Variants in NRG4 observed in about 807,000 individuals in gnomAD.
NRG4 encodes neuregulin 4.
NRG4 carries 10 observed loss-of-function variants against 15.0 expected under a neutral mutation model. The ratio of observed to expected loss-of-function variants is 0.67; its 90% CI spans 0.41 to 1.13. The LOEUF is 1.13. NRG4 is among the 50% of genes most tolerant of loss of function. The pLI is 0.00. For missense variants in NRG4, 139 were observed against 140.2 expected, an observed-to-expected ratio of 0.99 and a Z score of 0.04; for synonymous variants, 41 against 50.1, an observed-to-expected ratio of 0.82 and a Z score of 0.77.
At chr15:75,993,349 T>A (rs1402650161) in intron 3 of NRG4, among the ~76,000 whole-genome samples, 2 of 141,434 alleles carry the variant, frequency 1.4e-5, no homozygotes, top group African/African-American at 5.3e-5. Flanking sequence ...ATTACAAGTA[T>A]GTCAGTCATT....
intron 5 of NRG4, among the ~76,000 whole-genome samples, chr15:76,030,442 A>T (rs904196104): frequency 6.6e-6 from 1 of 152,176 alleles, no homozygotes; most frequent in African/African-American, 2.4e-5. Flanking sequence ...ATGCTTCTAC[A>T]GCCACCTGAT....
rs1567108069 is a variant in NRG4 at position 76,009,232 on chromosome 15, AT to A, written c.71del (p.Tyr24LeufsTer2). The A allele has an allele frequency of 2.5e-6, 4 of 1,603,292 alleles. No individual in the cohort carries two copies. In the African/African-American group the frequency reaches 5.4e-5, roughly 21 times the overall value. On this transcript the variant is annotated frameshift_variant, in exon 3 of 6. Transcript: ENST00000394907. LOFTEE classifies it high-confidence loss of function. ...KSFCLNGGLC[Y>X]VIPTIPSPFC... ...ATGGGCTGGGAATAGTAGGTATCAC[AT>A]AACAAAGCCCCCCATTCAGGCAAAA... is the stretch of plus-strand genomic sequence containing the variant.
chr15:75,949,649 C>A (rs1356911652), intron 5 of NRG4, among the ~76,000 whole-genome samples: 1 of 152,092 alleles, frequency 6.6e-6, no homozygotes, highest in East Asian at 1.9e-4. Context: ...TGTATTGTAT[C>A]TAAAAATCTT....
chr15:75,964,733 C>A (rs2032705896), intron 3 of NRG4, among the ~76,000 whole-genome samples: 1 of 151,396 alleles, frequency 6.6e-6, no homozygotes, highest in African/African-American at 2.4e-5. Context: ...TGAGACCAGC[C>A]TGGGCAACAT....
intron 3 of NRG4, among the ~76,000 whole-genome samples, chr15:76,001,560 C>T (rs912457445): frequency 6.6e-6 from 1 of 152,150 alleles, no homozygotes; most frequent in Non-Finnish European, 1.5e-5. Context: ...TATGGGACCA[C>T]ACAAGTATAC....
At chr15:76,017,405 C>T (rs1371431690), upstream of NRG4, among the ~76,000 whole-genome samples, 3 of 151,634 alleles carry the variant, frequency 2.0e-5, no homozygotes, top group Admixed American at 2.0e-4. Flanking sequence ...GTTGTTTTGC[C>T]CCTTAGTTGA....
At position 75,989,434 on chromosome 15, in the gene NRG4, C is replaced by T. The variant is rs183353228; in HGVS notation, c.104+19766G>A. Among the ~76,000 whole-genome samples, 1,439 of 152,112 alleles carry T rather than the reference C, an allele frequency of 9.5e-3. 14 individuals are homozygous for T. The highest frequency in any genetic ancestry group is 0.013 in the Non-Finnish European group (885 of 67,996). On this transcript the variant is annotated intron_variant, in intron 3 of 5. Transcript: ENST00000394907. Reference sequence around the variant, plus strand: ...TTTTTGGCCATTACTTCTTCAAATGCTTTTTCTGCCCTCTCATCTTTCTGA... The same window carrying T: ...TTTTTGGCCATTACTTCTTCAAATGTTTTTTCTGCCCTCTCATCTTTCTGA...
At chr15:76,014,077 A>G (rs1180195624), upstream of NRG4, among the ~76,000 whole-genome samples, 1 of 152,026 alleles carries the variant, frequency 6.6e-6, no homozygotes, top group African/African-American at 2.4e-5. Context: ...TTTGATTTGC[A>G]TTTCTCTAAT....
intron 3 of NRG4, among the ~76,000 whole-genome samples, chr15:75,966,644 T>C (rs2032807453): frequency 6.6e-6 from 1 of 152,194 alleles, no homozygotes; most frequent in Non-Finnish European, 1.5e-5. Flanking sequence ...TCAGTGCCAC[T>C]TCACTTGGGC....
intron 5 of NRG4, among the ~76,000 whole-genome samples, 161 bp from the exon 6 acceptor site, chr15:75,943,815 T>G (rs529450120): frequency 1.7e-4 from 26 of 152,242 alleles, no homozygotes; most frequent in African/African-American, 6.3e-4. Context: ...ATCAAAAATT[T>G]CCAGCAGCCT....
intron 5 of NRG4, among the ~76,000 whole-genome samples, chr15:76,019,098 A>G (rs2035073469): frequency 6.6e-6 from 1 of 151,694 alleles, no homozygotes; most frequent in Non-Finnish European, 1.5e-5. Context: ...GGCTCCACCT[A>G]GTTCGAACTT....
At chr15:75,984,162 C>G in intron 3 of NRG4, among the ~76,000 whole-genome samples, 1 of 152,230 alleles carries the variant, frequency 6.6e-6, no homozygotes, top group South Asian at 2.1e-4. Flanking sequence ...ATGTACAACA[C>G]CATCGGTGAA....
chr15:75,973,562 A>C (rs913914149), intron 3 of NRG4, among the ~76,000 whole-genome samples: 1 of 152,146 alleles, frequency 6.6e-6, no homozygotes, highest in Non-Finnish European at 1.5e-5. Context: ...GCTCATTGAG[A>C]GTTTTTAGCA....
intron 5 of NRG4, among the ~76,000 whole-genome samples, chr15:76,023,138 AC>A (rs2035208690): frequency 1.9e-5 from 1 of 53,972 alleles, no homozygotes; most frequent in African/African-American, 1.0e-4. Flanking sequence ...CTCCACACAC[AC>A]ACACACACAC....
At chr15:75,966,691 T>C (rs1475949134) in intron 3 of NRG4, among the ~76,000 whole-genome samples, 1 of 152,170 alleles carries the variant, frequency 6.6e-6, no homozygotes, top group African/African-American at 2.4e-5. Context: ...AATACTGGCA[T>C]ACGTCAAATC....
Position 75,961,879 on chromosome 15 carries a change from G to A in NRG4, c.200C>T (p.Ala67Val), listed in dbSNP as rs144964081. ...TKSNLFEAFVALAVLVTLIIG... is the reference protein window; with the variant it reads ...TKSNLFEAFVVLAVLVTLIIG... ...GATAAGTGTTACTAGGACCGCCAATGCCACAAAAGCTTCAAACAGGTTACT... is the reference window on the plus strand; with the variant it reads ...GATAAGTGTTACTAGGACCGCCAATACCACAAAAGCTTCAAACAGGTTACT... The change falls in exon 4 of 6, where the codon GCA becomes GTA. Residue 67 changes from alanine (A) to valine (V), a missense_variant. Coordinates refer to ENST00000394907, the MANE Select transcript of NRG4 (RefSeq NM_138573.4). The A allele has an allele frequency of 1.9e-6, 3 of 1,613,590 alleles. No individual in the cohort carries two copies. The highest frequency in any genetic ancestry group is 2.2e-5 in the East Asian group (1 of 44,850).
chr15:76,027,885 A>T (rs192928037), intron 5 of NRG4, among the ~76,000 whole-genome samples: 25 of 152,324 alleles, frequency 1.6e-4, no homozygotes, highest in African/African-American at 5.5e-4. Context: ...TCAAAACTAT[A>T]CAAATACATG....
intron 3 of NRG4, among the ~76,000 whole-genome samples, chr15:75,964,869 C>T (rs1308699076): frequency 6.6e-6 from 1 of 151,948 alleles, no homozygotes; most frequent in Non-Finnish European, 1.5e-5. Context: ...GCATAGTGAG[C>T]CCTGATTGCA....
chr15:76,042,722 A>G (rs2035773737), intron 4 of NRG4, among the ~76,000 whole-genome samples: 1 of 152,174 alleles, frequency 6.6e-6, no homozygotes, highest in African/African-American at 2.4e-5. Flanking sequence ...GAATTTTATC[A>G]AACATTTAAA....
Sources: allele counts gnomAD v4.1 joint callset (sites outside exome capture counted in the v4.1 genomes callset), GRCh38; gene constraint gnomAD v4.1.1; transcripts MANE v1.5; gene names NCBI Gene and HGNC (gene_info 2026-07-23, HGNC 2026-07-21).